The following CDS2 variants were observed in gnomAD, a reference collection of about 807,000 sequenced individuals.
CDS2 encodes the protein phosphatidate cytidylyltransferase 2.
Under a neutral mutation model 59.0 loss-of-function variants are expected in CDS2, and 47 were observed. The ratio of observed to expected loss-of-function variants is 0.80; its 90% CI spans 0.63 to 1.02. CDS2 has a LOEUF of 1.02. Ranked by LOEUF, CDS2 falls within the 50% of genes least tolerant of loss-of-function variation. CDS2 has a pLI of 0.00. For missense variants in CDS2, 356 were observed against 558.9 expected, an observed-to-expected ratio of 0.64 and a Z score of 3.66; for synonymous variants, 207 against 206.4, an observed-to-expected ratio of 1.00 and a Z score of -0.02.
chr20:5,180,593 T>C (rs2091027007), intron 5 of CDS2, among the ~76,000 whole-genome samples: 1 of 152,146 alleles, frequency 6.6e-6, no homozygotes, highest in African/African-American at 2.4e-5. Flanking sequence ...TTTGGCCAGC[T>C]TCTTTACTGC....
intron 4 of CDS2, among the ~76,000 whole-genome samples, chr20:5,177,577 G>C (rs1568541672): frequency 6.6e-6 from 1 of 152,184 alleles, no homozygotes; most frequent in Non-Finnish European, 1.5e-5. Context: ...CTTTTGAGCA[G>C]AGCACTGCAC....
At chr20:5,186,228 C>T (rs1296760624) in intron 9 of CDS2, among the ~76,000 whole-genome samples, 1 of 152,208 alleles carries the variant, frequency 6.6e-6, no homozygotes, top group Non-Finnish European at 1.5e-5. Flanking sequence ...TGGGCCAGTC[C>T]TCCTTCTTCA....
chr20:5,141,535 A>ACCTCTCCCT lies in CDS2; in HGVS notation c.57+14387_57+14395dup, dbSNP rs1240868343. 2.6e-5 allele frequency among the ~76,000 whole-genome samples: 4 copies of ACCTCTCCCT among 151,954 alleles called. No individual in the cohort carries two copies. In the East Asian group the frequency reaches 7.8e-4, roughly 29 times the overall value. On this transcript the variant is annotated intron_variant, in intron 1 of 12. Transcript: ENST00000460006. ...GCTCTTGCAATGGGGACTCTTCCAGACCTCTCCCTATATATCTCTTCATCT... is the reference window on the plus strand; with the variant it reads ...GCTCTTGCAATGGGGACTCTTCCAGACCTCTCCCTCCTCTCCCTATATATCTCTTCATCT...
Position 5,186,737 on chromosome 20 carries a change from C to T in CDS2, c.879C>T (p.Tyr293=), listed in dbSNP as rs775165030. Residue 293 remains tyrosine, a synonymous_variant, in exon 10 of 13, where the codon TAC becomes TAT. Coordinates refer to ENST00000460006, the MANE Select transcript of CDS2 (RefSeq NM_003818.4). ...GYRCFVCPVE[Y]NNDTNSFTVD... ...GATGCTTTGTCTGCCCTGTGGAGTACAACAATGACACCAACAGCTTCACTG... is the reference window on the plus strand; with the variant it reads ...GATGCTTTGTCTGCCCTGTGGAGTATAACAATGACACCAACAGCTTCACTG... 4 of 1,614,054 alleles carry T rather than the reference C, an allele frequency of 2.5e-6. No homozygotes were observed. The highest frequency in any genetic ancestry group is 2.2e-5 in the East Asian group (1 of 44,876).
intron 1 of CDS2, among the ~76,000 whole-genome samples, chr20:5,132,345 G>A (rs191362524): frequency 5.3e-5 from 8 of 152,172 alleles, no homozygotes; most frequent in South Asian, 2.1e-4. Flanking sequence ...TGATCCACCC[G>A]CCTTGGCCTC....
At chr20:5,130,986 A>G (rs1476686161) in intron 1 of CDS2, among the ~76,000 whole-genome samples, 1 of 151,190 alleles carries the variant, frequency 6.6e-6, no homozygotes, top group Non-Finnish European at 1.5e-5. Context: ...AGCTACTCGG[A>G]AGGCTGAGAG....
At chr20:5,156,252 G>T (rs2090832936) in intron 1 of CDS2, among the ~76,000 whole-genome samples, 1 of 152,138 alleles carries the variant, frequency 6.6e-6, no homozygotes, top group Non-Finnish European at 1.5e-5. Flanking sequence ...AGGTGTGTAG[G>T]GTAGGGGATT....
rs2091158574 is a variant in CDS2, at chr20:5,196,501, G to C, written c.*6267G>C. On this transcript the variant is annotated 3_prime_UTR_variant, in exon 13 of 13. Transcript: ENST00000460006. ...CTTGCCTGCATAAAGCACTCAGAAGGGTTAGCCACCTGGTGATTTTGTCTC... is the reference window on the plus strand; with the variant it reads ...CTTGCCTGCATAAAGCACTCAGAAGCGTTAGCCACCTGGTGATTTTGTCTC... The C allele has an allele frequency of 6.6e-6, 1 of 152,162 alleles. No homozygotes were observed. The highest frequency in any genetic ancestry group is 1.5e-5 in the Non-Finnish European group (1 of 68,054). The allele number at this position is 152,162 out of a possible 1,614,324, so 9.4% of individuals were successfully genotyped here. A position where few individuals can be genotyped will look rare whatever the true frequency, so the allele number is the denominator to read the frequency against.
At chr20:5,167,839 G>A (rs2123028373) in intron 1 of CDS2, among the ~76,000 whole-genome samples, 1 of 152,298 alleles carries the variant, frequency 6.6e-6, no homozygotes, top group African/African-American at 2.4e-5. Flanking sequence ...ATAAAGCAGT[G>A]CAAAAAATTG....
intron 1 of CDS2, among the ~76,000 whole-genome samples, chr20:5,152,125 A>G (rs1407177318): frequency 1.3e-5 from 2 of 151,808 alleles, no homozygotes; most frequent in Non-Finnish European, 2.9e-5. Context: ...ATGATCTTTT[A>G]AAATACGCAT....
chr20:5,140,667 T>C (rs931226426), intron 1 of CDS2, among the ~76,000 whole-genome samples: 1 of 152,218 alleles, frequency 6.6e-6, no homozygotes, highest in Non-Finnish European at 1.5e-5. Context: ...AAAGTTTCTC[T>C]TCATAGAATA....
Position 5,178,864 on chromosome 20 carries a change from C to T in CDS2, c.437C>T (p.Thr146Met), listed in dbSNP as rs759451970. The change falls in exon 5 of 13, where the codon ACG (threonine) becomes ATG (methionine). Residue 146 changes from threonine to methionine, a missense_variant. Physicochemically the swap from Thr to Met is moderately conservative, Grantham distance 81 (BLOSUM62 -1). This residue lies in a region of CDS2 where 87 missense variants were observed against 193.3 expected (regional missense o/e 0.45). Transcript: ENST00000460006. ...VNYFFYGETVTDYFFTLVQRE... is the reference protein window; with the variant it reads ...VNYFFYGETVMDYFFTLVQRE... Reference sequence around the variant, plus strand: ...TATTTCTTCTATGGTGAGACAGTGACGGATTACTTCTTCACCCTGGTCCAG... The same window carrying T: ...TATTTCTTCTATGGTGAGACAGTGATGGATTACTTCTTCACCCTGGTCCAG... 7.4e-6 allele frequency: 12 copies of T among 1,614,012 alleles called. No homozygotes were observed. The highest frequency in any genetic ancestry group is 5.0e-5 in the Admixed American group (3 of 60,032).
At chr20:5,161,762 C>T (rs2090878208) in intron 1 of CDS2, among the ~76,000 whole-genome samples, 1 of 152,206 alleles carries the variant, frequency 6.6e-6, no homozygotes, top group Non-Finnish European at 1.5e-5. Context: ...CCAGTTGTCT[C>T]CAGGCCTAGC....
At chr20:5,178,699 G>A (rs961420200) in intron 4 of CDS2, 118 bp from the exon 5 acceptor site, 4 of 986,902 alleles carry the variant, frequency 4.1e-6, no homozygotes, top group East Asian at 2.4e-5. Flanking sequence ...GAGCTGTCCC[G>A]GGGGACTCAA....
intron 2 of CDS2, among the ~76,000 whole-genome samples, chr20:5,174,781 C>G (rs888056606): frequency 1.3e-5 from 2 of 151,906 alleles, no homozygotes; most frequent in Non-Finnish European, 2.9e-5. Flanking sequence ...CATAATGTTA[C>G]TATTATTCCC....
intron 1 of CDS2, among the ~76,000 whole-genome samples, chr20:5,139,449 A>G (rs1228106358): frequency 1.3e-5 from 2 of 152,216 alleles, no homozygotes; most frequent in African/African-American, 2.4e-5. Context: ...ATCAGTTCCA[A>G]GAGTTTTTTG....
At chr20:5,180,093 C>T (rs1011357354) in intron 5 of CDS2, among the ~76,000 whole-genome samples, 3 of 152,142 alleles carry the variant, frequency 2.0e-5, no homozygotes, top group East Asian at 1.9e-4. Flanking sequence ...TCTGGAAAAG[C>T]GACATGCTTA....
intron 1 of CDS2, among the ~76,000 whole-genome samples, chr20:5,168,419 A>ACC (rs1568538241): frequency 7.2e-6 from 1 of 138,376 alleles, no homozygotes; most frequent in Admixed American, 7.2e-5. Flanking sequence ...TGTCCCCCCA[A>ACC]AAAAAAAAAA....
At chr20:5,171,561 T>G (rs1342696582) in intron 1 of CDS2, among the ~76,000 whole-genome samples, 1 of 151,966 alleles carries the variant, frequency 6.6e-6, no homozygotes, top group Non-Finnish European at 1.5e-5. Flanking sequence ...TTGCCGATGG[T>G]GTGTGGGTGT....
Sources: gnomAD v4.1 joint callset for allele counts (sites outside exome capture counted in the v4.1 genomes callset) on GRCh38, gnomAD v4.1.1 for gene constraint, gnomAD v4.1.1 regional missense constraint, MANE v1.5 for transcripts, NCBI Gene and HGNC (gene_info 2026-07-23, HGNC 2026-07-21) for gene names.